ANK3: variants seen among roughly 807,000 people sequenced by gnomAD.
The protein encoded by ANK3 is ankyrin-3.
ANK3 carries 57 observed loss-of-function variants against 370.9 expected under a neutral mutation model. That is an observed-to-expected ratio of 0.15 (90% CI 0.12 to 0.19). The LOEUF is 0.19. Ranked by LOEUF, ANK3 falls within the 10% of genes least tolerant of loss-of-function variation. The probability of loss-of-function intolerance (pLI) is 1.00; values close to 1 mark genes in which losing one functional copy is unlikely to be tolerated. For missense variants in ANK3, 4,439 were observed against 5,302.1 expected (o/e 0.84, Z 5.06); for synonymous variants, 1,929 against 1,946.3 (o/e 0.99, Z 0.23).
chr10:60,688,973 T>C (rs1365866583), intron 1 of ANK3, among the ~76,000 whole-genome samples: 1 of 150,060 alleles, frequency 6.7e-6, no homozygotes, highest in African/African-American at 2.4e-5. Context: ...AAAAAAAAGA[T>C]AAAATCAGTA....
chr10:60,699,124 G>T (rs1448318755), intron 1 of ANK3, among the ~76,000 whole-genome samples: 2 of 150,224 alleles, frequency 1.3e-5, no homozygotes, highest in East Asian at 2.0e-4. Flanking sequence ...TTAGGAACTT[G>T]AGGGGAAGGG....
chr10:60,049,836 T>C (rs376740264), intron 42 of ANK3, among the ~76,000 whole-genome samples: 2 of 152,226 alleles, frequency 1.3e-5, no homozygotes, highest in South Asian at 4.1e-4. Context: ...TTTGAAGTTA[T>C]TGTTTTTGTT....
chr10:60,605,697 C>G (rs1284444218), intron 2 of ANK3, among the ~76,000 whole-genome samples: 1 of 152,116 alleles, frequency 6.6e-6, no homozygotes, highest in Non-Finnish European at 1.5e-5. Flanking sequence ...ATGGAAAAAT[C>G]AATGGACAAA....
intron 3 of ANK3, 40 bp from the exon 4 acceptor site, chr10:60,278,912 T>A (rs1198755292): frequency 6.2e-7 from 1 of 1,602,410 alleles, no homozygotes; most frequent in Non-Finnish European, 8.6e-7. Context: ...TCATCGATCT[T>A]TTGAATTTTC....
At chr10:60,176,073 C>T (rs780211688) in intron 18 of ANK3, among the ~76,000 whole-genome samples, 8 of 151,714 alleles carry the variant, frequency 5.3e-5, no homozygotes, top group Non-Finnish European at 8.8e-5. Flanking sequence ...TGGCTCACGC[C>T]TGTACTCCCA....
At chr10:60,271,995 T>A (rs1269764494) in intron 4 of ANK3, among the ~76,000 whole-genome samples, 1 of 151,654 alleles carries the variant, frequency 6.6e-6, no homozygotes, top group Admixed American at 6.6e-5. Flanking sequence ...GTCTACCTGA[T>A]AATATCTCTG....
At chr10:60,231,413 C>T (rs148785287) in intron 8 of ANK3, among the ~76,000 whole-genome samples, 37 of 152,268 alleles carry the variant, frequency 2.4e-4, no homozygotes, top group Middle Eastern at 3.4e-3. Context: ...CTCTAAAACA[C>T]GGGGGATAAG....
chr10:60,710,094 G>T (rs2079682226), intron 1 of ANK3, among the ~76,000 whole-genome samples: 1 of 152,142 alleles, frequency 6.6e-6, no homozygotes, highest in Non-Finnish European at 1.5e-5. Context: ...GGGTCCCACA[G>T]TGTTACTCAA....
chr10:60,292,304 G>A (rs2041577356), intron 1 of ANK3, among the ~76,000 whole-genome samples: 1 of 151,622 alleles, frequency 6.6e-6, no homozygotes, highest in African/African-American at 2.4e-5. Flanking sequence ...GTTTGAACCT[G>A]TTTCTGATTA....
intron 2 of ANK3, among the ~76,000 whole-genome samples, chr10:60,565,413 G>A (rs1426644018): frequency 7.8e-5 from 7 of 90,002 alleles, no homozygotes; most frequent in African/African-American, 2.0e-4. Context: ...TGTGCGGCCC[G>A]GTTCCCAACA....
At chr10:60,297,977 A>G (rs561571693) in intron 1 of ANK3, among the ~76,000 whole-genome samples, 3 of 152,246 alleles carry the variant, frequency 2.0e-5, no homozygotes, top group Non-Finnish European at 2.9e-5. Context: ...TTAAATATGT[A>G]TTTATTACTG....
intron 16 of ANK3, among the ~76,000 whole-genome samples, chr10:60,191,348 C>G (rs1379214689): frequency 2.0e-5 from 3 of 151,108 alleles, no homozygotes; most frequent in African/African-American, 7.3e-5. Flanking sequence ...TGACAAAGAA[C>G]TAATATCCAG....
intron 21 of ANK3, among the ~76,000 whole-genome samples, chr10:60,169,650 G>A (rs1380849338): frequency 6.6e-6 from 1 of 152,058 alleles, no homozygotes; most frequent in Non-Finnish European, 1.5e-5. Flanking sequence ...TCCACTTCGA[G>A]AGTGAAGTAT....
chr10:60,172,713 A>G (rs976949395), intron 20 of ANK3, among the ~76,000 whole-genome samples, 187 bp downstream of exon 20: 38 of 152,180 alleles, frequency 2.5e-4, no homozygotes, highest in African/African-American at 8.7e-4. Flanking sequence ...TTTCACATAT[A>G]AAACACTAAT....
rs774238596 is a variant in ANK3, at chr10:60,261,940, G to A, written c.717C>T (p.Leu239=). ...TATTTCCATAGTGAGCAGCTATGTG[G>A]AGCGGAGTGAAGCCACTCTGTAAAG... is the stretch of plus-strand genomic sequence containing the variant. ...DVESKSGFTP[L]HIAAHYGNIN... Residue 239 remains leucine (L), a synonymous_variant, in exon 7 of 44, where the codon CTC becomes CTT. Transcript: ENST00000280772. The A allele has an allele frequency of 1.2e-6, 2 of 1,613,822 alleles. No individual in the cohort carries two copies. The highest frequency in any genetic ancestry group is 2.2e-5 in the East Asian group (1 of 44,880).
chr10:60,131,325 T>C (rs1057014987), intron 25 of ANK3, among the ~76,000 whole-genome samples: 1 of 152,244 alleles, frequency 6.6e-6, no homozygotes, highest in Non-Finnish European at 1.5e-5. Flanking sequence ...AGTAGTGTTA[T>C]ATGCTTATTA....
chr10:60,035,248 T>A (rs2131843390), intron 43 of ANK3, among the ~76,000 whole-genome samples: 1 of 152,268 alleles, frequency 6.6e-6, no homozygotes, highest in East Asian at 1.9e-4. Flanking sequence ...ATTTATTTTT[T>A]AATTAATTTA....
chr10:60,196,634 A>AG lies in ANK3; in HGVS notation c.1690-10_1690-9insC, dbSNP rs2096589967. ...AGAGGAGTAAATCCTTTCTGAAAAA[A>AG]AAAAAACATAAAAATAATGAACAAT... On this transcript the variant is annotated splice_polypyrimidine_tract_variant and intron_variant, in intron 14 of 43. Transcript: ENST00000280772. The AG allele has an allele frequency of 6.5e-7, 1 of 1,532,480 alleles. No homozygotes were observed. The highest frequency in any genetic ancestry group is 8.9e-7 in the Non-Finnish European group (1 of 1,120,976). 94.9% of individuals were successfully genotyped at this position (1,532,480 alleles called of 1,614,324 possible).
intron 1 of ANK3, among the ~76,000 whole-genome samples, chr10:60,692,077 C>T (rs1413148579): frequency 6.6e-6 from 1 of 152,124 alleles, no homozygotes; most frequent in Non-Finnish European, 1.5e-5. Flanking sequence ...GCTATGTGAA[C>T]CACATTATTT....
Sources: allele counts gnomAD v4.1 joint callset (sites outside exome capture counted in the v4.1 genomes callset), GRCh38; gene constraint gnomAD v4.1.1; transcripts MANE v1.5; gene names NCBI Gene and HGNC (gene_info 2026-07-23, HGNC 2026-07-21).